The following ADAM23 variants were observed in gnomAD, a reference collection of about 807,000 sequenced individuals.
ADAM23 encodes the protein disintegrin and metalloproteinase domain-containing protein 23.
ADAM23 carries 33 observed loss-of-function variants against 120.1 expected under a neutral mutation model. That is an observed-to-expected ratio of 0.27 (90% CI 0.21 to 0.37). The LOEUF is 0.37. Among genes scored for constraint, ADAM23 ranks in the 10% least tolerant of loss-of-function variants. The pLI is 1.00. For missense variants in ADAM23, 862 were observed against 1,058.2 expected (o/e 0.81, Z 2.57); for synonymous variants, 367 against 375.2 (o/e 0.98, Z 0.25).
At chr2:206,582,945 TTA>T (rs1488356389) in intron 18 of ADAM23, among the ~76,000 whole-genome samples, 1 of 152,166 alleles carries the variant, frequency 6.6e-6, no homozygotes, top group East Asian at 1.9e-4. Flanking sequence ...AGGTTTTCCT[TTA>T]TAGTTTACCT....
At chr2:206,600,884 T>G (rs1028035788) in intron 24 of ADAM23, among the ~76,000 whole-genome samples, 6 of 152,234 alleles carry the variant, frequency 3.9e-5, no homozygotes, top group Non-Finnish European at 7.3e-5. Flanking sequence ...GTCACATTAT[T>G]TATTTTTTCT....
intron 3 of ADAM23, among the ~76,000 whole-genome samples, chr2:206,518,853 A>G (rs1305352681): frequency 6.6e-6 from 1 of 152,216 alleles, no homozygotes; most frequent in East Asian, 1.9e-4. Context: ...TCTGAAAAAG[A>G]TGGGCCTGAA....
At chr2:206,455,205 A>G (rs1288352913) in intron 2 of ADAM23, among the ~76,000 whole-genome samples, 4 of 152,238 alleles carry the variant, frequency 2.6e-5, no homozygotes, top group African/African-American at 4.8e-5. Flanking sequence ...TACCTTCTGC[A>G]TACATGTGGG....
chr2:206,527,951 T>C (rs570034777), intron 3 of ADAM23, among the ~76,000 whole-genome samples: 39 of 152,292 alleles, frequency 2.6e-4, no homozygotes, highest in African/African-American at 9.1e-4. Context: ...CCAGAGATAC[T>C]AGAAACAGGT....
chr2:206,605,686 T>G, intron 24 of ADAM23: 1 of 666,598 alleles, frequency 1.5e-6, no homozygotes, highest in East Asian at 2.7e-5. Flanking sequence ...AAATTCAATA[T>G]TTAGCCAACT....
chr2:206,563,567 A>G (rs1387901509), intron 13 of ADAM23, among the ~76,000 whole-genome samples: 1 of 152,166 alleles, frequency 6.6e-6, no homozygotes, highest in Non-Finnish European at 1.5e-5. Context: ...AAAACCAGAA[A>G]GGTGTATGAC....
intron 9 of ADAM23, among the ~76,000 whole-genome samples, chr2:206,553,181 C>T (rs1363189195): frequency 6.6e-6 from 1 of 151,960 alleles, no homozygotes; most frequent in Non-Finnish European, 1.5e-5. Flanking sequence ...AGTTCGAGAC[C>T]AGCCTGGCCA....
intron 8 of ADAM23, 37 bp downstream of exon 8, chr2:206,548,391 A>C (rs531967862): frequency 6.3e-7 from 1 of 1,586,154 alleles, no homozygotes; most frequent in South Asian, 1.1e-5. Flanking sequence ...GGCCTATTTT[A>C]CTCAATGAAG....
chr2:206,532,666 A>G (rs1011942203), intron 4 of ADAM23, among the ~76,000 whole-genome samples: 1 of 152,176 alleles, frequency 6.6e-6, no homozygotes, highest in African/African-American at 2.4e-5. Context: ...ATTTTATATC[A>G]AGATTTTTTA....
rs910444881 is a variant in ADAM23 at position 206,443,547 on chromosome 2, G to C, written c.-320G>C. On this transcript the variant is annotated 5_prime_UTR_variant, in exon 1 of 26. Coordinates refer to ENST00000264377, the MANE Select transcript of ADAM23 (RefSeq NM_003812.4). Reference sequence around the variant, plus strand: ...CCGCCTCAGCATCCTCAGGCCCGGCGGCAGCCCCCGCAGTCGCTGAAGCGG... The same window carrying C: ...CCGCCTCAGCATCCTCAGGCCCGGCCGCAGCCCCCGCAGTCGCTGAAGCGG... The C allele has an allele frequency of 8.4e-6, 1 of 119,562 alleles. No individual in the cohort carries two copies. Among genetic ancestry groups the C allele is most frequent in the African/African-American group, 2.7e-5 (1 of 37,016 alleles). The allele number at this position is 119,562 out of a possible 1,614,324, so 7.4% of individuals were successfully genotyped here.
intron 4 of ADAM23, 98 bp from the exon 5 acceptor site, chr2:206,541,954 A>G (rs1421224529): frequency 2.4e-6 from 3 of 1,233,270 alleles, no homozygotes; most frequent in Non-Finnish European, 2.4e-6. Flanking sequence ...CAGTGCACAT[A>G]TATGCCCATC....
In ADAM23 at chr2:206,621,044, C is replaced by T. The variant is rs1440209057; in HGVS notation, c.*3417C>T. The T allele has an allele frequency of 1.3e-5, 2 of 152,166 alleles. No individual in the cohort carries two copies. The highest frequency in any genetic ancestry group is 2.9e-5 in the Non-Finnish European group (2 of 68,022). 9.4% of individuals were successfully genotyped at this position (152,166 alleles called of 1,614,324 possible). A position where few individuals can be genotyped will look rare whatever the true frequency, so the allele number is the denominator to read the frequency against. On this transcript the variant is annotated 3_prime_UTR_variant, in exon 26 of 26. Coordinates refer to ENST00000264377, the MANE Select transcript of ADAM23 (RefSeq NM_003812.4). ...TTGAAATTAATAAATTCATTCGTAT[C>T]TTGTTGGCTGCCTATGAATGGAGAT...
chr2:206,452,504 T>A (rs969279725), intron 2 of ADAM23, among the ~76,000 whole-genome samples: 2 of 152,114 alleles, frequency 1.3e-5, no homozygotes, highest in Non-Finnish European at 1.5e-5. Context: ...TCTTTACAGT[T>A]GGTGAAAAAA....
intron 4 of ADAM23, among the ~76,000 whole-genome samples, chr2:206,532,259 A>G (rs910002302): frequency 1.3e-5 from 2 of 152,102 alleles, no homozygotes; most frequent in African/African-American, 2.4e-5. Context: ...TTATAGACTC[A>G]GCAAACGAGC....
chr2:206,474,463 G>C (rs1030401392), intron 2 of ADAM23, among the ~76,000 whole-genome samples: 1 of 152,120 alleles, frequency 6.6e-6, no homozygotes, highest in Non-Finnish European at 1.5e-5. Flanking sequence ...GGGGTTGATT[G>C]ATACCCTTCC....
intron 2 of ADAM23, among the ~76,000 whole-genome samples, chr2:206,467,965 C>T (rs1176660007): frequency 6.6e-6 from 1 of 152,140 alleles, no homozygotes; most frequent in African/African-American, 2.4e-5. Flanking sequence ...TGTACCTGGG[C>T]CTCTTTTAAC....
chr2:206,511,981 G>A (rs1400438100), intron 3 of ADAM23, among the ~76,000 whole-genome samples: 1 of 152,196 alleles, frequency 6.6e-6, no homozygotes, highest in Non-Finnish European at 1.5e-5. Flanking sequence ...GGCCTTGGAT[G>A]ACAAGGTAAC....
At chr2:206,445,280 G>A in intron 1 of ADAM23, 27 bp from the exon 2 acceptor site, 2 of 1,560,638 alleles carry the variant, frequency 1.3e-6, no homozygotes, top group East Asian at 2.2e-5. Context: ...TGTATTTTCT[G>A]CTCCCCCACC....
intron 2 of ADAM23, among the ~76,000 whole-genome samples, chr2:206,475,191 A>T (rs1244422353): frequency 6.6e-6 from 1 of 152,166 alleles, no homozygotes; most frequent in African/African-American, 2.4e-5. Flanking sequence ...GTACTTTGAG[A>T]TGATTAAAAT....
Sources: allele counts gnomAD v4.1 joint callset (sites outside exome capture counted in the v4.1 genomes callset), GRCh38; gene constraint gnomAD v4.1.1; transcripts MANE v1.5; gene names NCBI Gene and HGNC (gene_info 2026-07-23, HGNC 2026-07-21).